Variants in ZNF44 observed in about 807,000 individuals in gnomAD.
ZNF44 encodes gonadotropin inducible transcription repressor-2.
Under a neutral mutation model 11.7 loss-of-function variants are expected in ZNF44, and 9 were observed. The ratio of observed to expected loss-of-function variants is 0.77; its 90% CI spans 0.46 to 1.35. ZNF44 has a LOEUF of 1.35. Ranked by LOEUF, ZNF44 falls within the 40% of genes most tolerant of loss-of-function variation. The pLI, the probability that ZNF44 is intolerant of heterozygous loss-of-function variation, is 0.00. For missense variants in ZNF44, 696 were observed against 743.1 expected (o/e 0.94, Z 0.74); for synonymous variants, 224 against 242.7 (o/e 0.92, Z 0.72).
At chr19:12,258,066 G>A (rs867890594) in intron 5 of ZNF44, among the ~76,000 whole-genome samples, 12 of 147,686 alleles carry the variant, frequency 8.1e-5, no homozygotes, top group South Asian at 2.1e-4. Context: ...GCTCATGTCC[G>A]TAATCCCAGC....
At chr19:12,232,496 C>T (rs929417576) in intron 2 of ZNF44, among the ~76,000 whole-genome samples, 4 of 152,240 alleles carry the variant, frequency 2.6e-5, no homozygotes, top group East Asian at 3.9e-4. Flanking sequence ...TGCGGCCTTC[C>T]GCAGTGTTTG....
Position 12,285,206 on chromosome 19 carries a change from A to G in ZNF44, c.4-9124T>C, listed in dbSNP as rs575832217. 8.9e-6 allele frequency: 4 copies of G among 451,088 alleles called. No homozygotes were observed. The East Asian group carries it at 1.3e-4, about 15-fold the overall frequency. 27.9% of individuals were successfully genotyped at this position (451,088 alleles called of 1,614,324 possible). A position where few individuals can be genotyped will look rare whatever the true frequency, so the allele number is the denominator to read the frequency against. ...CATAGGGCTTTCATACAAGAAAAAT[A>G]AAGTAAATTAAGCCTGAAAAAAATG... On this transcript the variant is annotated intron_variant, in intron 1 of 3. Coordinates refer to ENST00000355684, the MANE Select transcript of ZNF44 (RefSeq NM_016264.4).
rs2459042 is a variant in ZNF44 at position 12,275,433 on chromosome 19, G to A, written c.131-400C>T. On this transcript the variant is annotated intron_variant, in intron 2 of 3. Coordinates refer to ENST00000355684, the MANE Select transcript of ZNF44 (RefSeq NM_016264.4). ...GGAGGCCGAGGTGGGCAGATCACAA[G>A]GTCAGGAGATCGAGACCATCCTGGC... 1.2e-3 allele frequency among the ~76,000 whole-genome samples: 177 copies of A among 152,286 alleles called. 1 individual carries two copies. The highest frequency in any genetic ancestry group is 4.0e-3 in the African/African-American group (168 of 41,552).
chr19:12,276,121 C>T, intron 1 of ZNF44, 39 bp from the exon 2 acceptor site: 1 of 1,583,514 alleles, frequency 6.3e-7, no homozygotes. Context: ...AAGGTTGAAA[C>T]TCACAGTACT....
At chr19:12,262,323 T>G (rs1159365332) in intron 5 of ZNF44, among the ~76,000 whole-genome samples, 1 of 152,026 alleles carries the variant, frequency 6.6e-6, no homozygotes, top group African/African-American at 2.4e-5. Flanking sequence ...CAGGCTGGAG[T>G]GCAATGGTGT....
intron 1 of ZNF44, among the ~76,000 whole-genome samples, chr19:12,286,055 C>A (rs1352716017): frequency 6.6e-6 from 1 of 151,982 alleles, no homozygotes; most frequent in Non-Finnish European, 1.5e-5. Flanking sequence ...CCTATGAGCA[C>A]TGCAATGTGT....
downstream of ZNF44, among the ~76,000 whole-genome samples, chr19:12,270,849 G>C (rs770733445): frequency 3.0e-4 from 45 of 152,316 alleles, no homozygotes; most frequent in Non-Finnish European, 5.0e-4. Context: ...AGATGCAACT[G>C]TGCTTACTGC....
intron 3 of ZNF44, among the ~76,000 whole-genome samples, chr19:12,230,195 T>C (rs1315900375): frequency 6.6e-6 from 1 of 152,012 alleles, no homozygotes. Context: ...GACAGCACAG[T>C]GGAGAGGGTG....
rs756150082 is a variant in ZNF44 at position 12,272,761 on chromosome 19, G to GT, written c.1493dup (p.His498GlnfsTer3). 622 of 1,613,840 alleles carry GT rather than the reference G, an allele frequency of 3.9e-4. No individual in the cohort carries two copies. Among genetic ancestry groups the GT allele is most frequent in the Non-Finnish European group, 4.8e-4 (567 of 1,179,828 alleles). ...GACACTCATAAGATTTTTCTTCACT[G>GT]TGAGTCCTTTCATGGCGACAAAAGT... On this transcript the variant is annotated frameshift_variant, in exon 4 of 4. Coordinates refer to ENST00000355684, the MANE Select transcript of ZNF44 (RefSeq NM_016264.4). LOFTEE classifies it low-confidence loss of function (END_TRUNC).
chr19:12,264,131 G>A (rs901656334), intron 5 of ZNF44, among the ~76,000 whole-genome samples: 2 of 143,578 alleles, frequency 1.4e-5, no homozygotes, highest in Admixed American at 1.3e-4. Context: ...CTAAAAACAG[G>A]CCCAAGGAAA....
chr19:12,241,696 A>G (rs989437925), upstream of ZNF44, among the ~76,000 whole-genome samples: 2 of 152,178 alleles, frequency 1.3e-5, no homozygotes, highest in East Asian at 3.9e-4. Context: ...CTCCGTTGCA[A>G]TCAATCAACC....
chr19:12,225,578 A>ATAAT (rs1311577425), downstream of ZNF44, among the ~76,000 whole-genome samples: 1 of 152,222 alleles, frequency 6.6e-6, no homozygotes, highest in East Asian at 1.9e-4. Flanking sequence ...CGCTATGAGG[A>ATAAT]TAATAATTAA....
intron 5 of ZNF44, among the ~76,000 whole-genome samples, chr19:12,264,301 C>T (rs990368667): frequency 1.3e-5 from 2 of 152,054 alleles, no homozygotes; most frequent in Non-Finnish European, 2.9e-5. Flanking sequence ...AGCGTGAGTA[C>T]GTAGGACACC....
intron 1 of ZNF44, among the ~76,000 whole-genome samples, chr19:12,283,930 A>G (rs1184116965): frequency 2.0e-5 from 3 of 152,324 alleles, no homozygotes; most frequent in African/African-American, 7.2e-5. Flanking sequence ...TTGAGGCTGC[A>G]GTGAGCTGAT....
intron 5 of ZNF44, chr19:12,260,170 T>C (rs1484373974): frequency 1.4e-5 from 11 of 767,024 alleles, no homozygotes; most frequent in Non-Finnish European, 7.2e-6. Flanking sequence ...ACTGCTCCAG[T>C]TTCTGATCAA....
chr19:12,235,314 A>G (rs1207009929), intron 1 of ZNF44, among the ~76,000 whole-genome samples: 1 of 152,176 alleles, frequency 6.6e-6, no homozygotes, highest in Non-Finnish European at 1.5e-5. Flanking sequence ...GCTTGCAGTG[A>G]GCCGAGATCG....
chr19:12,239,578 T>A (rs963834588), upstream of ZNF44, among the ~76,000 whole-genome samples: 3 of 139,524 alleles, frequency 2.2e-5, no homozygotes, highest in Admixed American at 7.1e-5. Flanking sequence ...ATTTTTTTTT[T>A]TTTTTTTTTT....
At chr19:12,290,514 A>G (rs1291247074) in intron 1 of ZNF44, among the ~76,000 whole-genome samples, 1 of 151,270 alleles carries the variant, frequency 6.6e-6, no homozygotes, top group Admixed American at 6.6e-5. Context: ...AGCCTGACCA[A>G]CATGGTGAAA....
chr19:12,293,393 T>C lies in ZNF44; in HGVS notation c.3+1299A>G, dbSNP rs751741757. 7.8e-6 allele frequency: 12 copies of C among 1,533,736 alleles called. No individual in the cohort carries two copies. The African/African-American group carries it at 1.4e-4, about 18-fold the overall frequency. ...CACAGGGCCTGGAAAAGATACAGGG[T>C]GGGCTGAGGTCACATCACCCTGTAA... On this transcript the variant is annotated intron_variant, in intron 1 of 3. Transcript: ENST00000355684.
Sources: gnomAD v4.1 joint callset for allele counts (sites outside exome capture counted in the v4.1 genomes callset) on GRCh38, gnomAD v4.1.1 for gene constraint, MANE v1.5 for transcripts, NCBI Gene and HGNC (gene_info 2026-07-23, HGNC 2026-07-21) for gene names.